UCHL5: variants seen among roughly 807,000 people sequenced by gnomAD.
UCHL5 encodes ubiquitin C-terminal hydrolase L5, also known as ubiquitin carboxyl-terminal hydrolase isozyme L5.
In UCHL5, 34 loss-of-function variants were observed where a neutral mutation model predicts 53.8. The ratio of observed to expected loss-of-function variants is 0.63; its 90% CI spans 0.48 to 0.84. The LOEUF (loss-of-function observed/expected upper bound fraction) is 0.84. Ranked by LOEUF, UCHL5 falls within the 40% of genes least tolerant of loss-of-function variation. UCHL5 has a pLI of 0.00. For missense variants in UCHL5, 290 were observed against 385.6 expected (o/e 0.75, Z 2.08); for synonymous variants, 111 against 126.3 (o/e 0.88, Z 0.81).
At position 193,021,279 on chromosome 1, in the gene UCHL5, T is replaced by C. The variant is rs140713563; in HGVS notation, c.844-84A>G. ...CTTTGCATCCAACTCAAAATAGAAA[T>C]GGTATATCCATTCTCATAAGAAAAT... On this transcript the variant is annotated intron_variant, in intron 9 of 10. Coordinates refer to ENST00000367454, the MANE Select transcript of UCHL5 (RefSeq NM_001199261.3). The C allele has an allele frequency of 5.3e-4, 441 of 836,352 alleles. 1 individual carries two copies. In the African/African-American group the frequency reaches 7.1e-3, roughly 14 times the overall value. The allele number at this position is 836,352 out of a possible 1,614,324, so 51.8% of individuals were successfully genotyped here. A position where few individuals can be genotyped will look rare whatever the true frequency, so the allele number is the denominator to read the frequency against.
chr1:193,035,561 CACA>C (rs1375126797), intron 3 of UCHL5, among the ~76,000 whole-genome samples: 3 of 151,956 alleles, frequency 2.0e-5, no homozygotes, highest in Admixed American at 6.6e-5. Flanking sequence ...GAGAAGTGGC[CACA>C]ACGAGACTTG....
At chr1:193,027,957 T>A (rs1659952908) in intron 7 of UCHL5, 128 bp downstream of exon 7, 1 of 1,497,568 alleles carries the variant, frequency 6.7e-7, no homozygotes, top group African/African-American at 1.4e-5. Flanking sequence ...AACCCGTCTC[T>A]ACGAAAAATT....
intron 3 of UCHL5, among the ~76,000 whole-genome samples, chr1:193,033,016 C>T (rs941619384): frequency 2.0e-5 from 3 of 152,152 alleles, no homozygotes; most frequent in Admixed American, 2.0e-4. Context: ...ACCCAGCAAT[C>T]CCATTACTGG....
Position 193,016,312 on chromosome 1 carries a change from T to C in UCHL5, c.*39A>G. 1.3e-6 allele frequency: 2 copies of C among 1,593,736 alleles called. No homozygotes were observed. Among genetic ancestry groups the C allele is most frequent in the South Asian group, 1.2e-5 (1 of 86,884 alleles). The stretch of plus-strand genomic sequence containing the variant: ...ATACATAATGGTTTCCATGAAAATA[T>C]GTGCAGAAGCAGAAATGTGTACATA... On this transcript the variant is annotated 3_prime_UTR_variant, in exon 11 of 11. Transcript: ENST00000367454.
chr1:193,042,556 G>T (rs1449914452), intron 3 of UCHL5, among the ~76,000 whole-genome samples: 1 of 152,112 alleles, frequency 6.6e-6, no homozygotes, highest in Non-Finnish European at 1.5e-5. Context: ...ATTAAAGGTG[G>T]TAATACTTTA....
Position 193,029,189 on chromosome 1 carries a change from C to A in UCHL5, c.555G>T (p.Pro185=). Residue 185 remains proline (P), a synonymous_variant, in exon 6 of 11, where the codon CCG becomes CCT. Coordinates refer to ENST00000367454, the MANE Select transcript of UCHL5 (RefSeq NM_001199261.3). ...LYELDGLREG[P]IDLGACNQDD... ...CAGGAACTGCATTACCTAAATCAAT[C>A]GGTCCTTCTCTTAATCCATCTAATT... 1.2e-6 allele frequency: 2 copies of A among 1,612,064 alleles called. No individual in the cohort carries two copies. Among genetic ancestry groups the A allele is most frequent in the South Asian group, 1.1e-5 (1 of 90,414 alleles).
At position 193,013,392 on chromosome 1, in the gene UCHL5, G is replaced by C. The variant is rs1347446910; in HGVS notation, c.*2959C>G. The C allele has an allele frequency of 6.6e-6, 1 of 152,048 alleles. No homozygotes were observed. The highest frequency in any genetic ancestry group is 1.5e-5 in the Non-Finnish European group (1 of 68,002). 9.4% of individuals were successfully genotyped at this position (152,048 alleles called of 1,614,324 possible). On this transcript the variant is annotated 3_prime_UTR_variant, in exon 11 of 11. Transcript: ENST00000367454. ...GCATTCCTCTTCAAATAGCTAGAGT[G>C]GTTTGTTTCCTGAAAATTTGTATAT...
At position 193,012,776 on chromosome 1, in the gene UCHL5, G is replaced by A. The variant is rs1013825651; in HGVS notation, c.*3575C>T. The A allele has an allele frequency of 2.6e-5, 4 of 152,128 alleles. No homozygotes were observed. The highest frequency in any genetic ancestry group is 9.7e-5 in the African/African-American group (4 of 41,410). 9.4% of individuals were successfully genotyped at this position (152,128 alleles called of 1,614,324 possible). On this transcript the variant is annotated 3_prime_UTR_variant, in exon 11 of 11. Transcript: ENST00000367454. ...TATTATCTGTCTCACCATGAGAGCA[G>A]GGGCTTTTTCCTGTTATACTATCCT...
At chr1:193,040,655 G>A (rs1665241318) in intron 3 of UCHL5, among the ~76,000 whole-genome samples, 1 of 152,168 alleles carries the variant, frequency 6.6e-6, no homozygotes, top group African/African-American at 2.4e-5. Flanking sequence ...AGATCCGAAA[G>A]AAGGGAAATA....
At chr1:193,019,087 G>A (rs928282552) in intron 10 of UCHL5, among the ~76,000 whole-genome samples, 21 of 151,282 alleles carry the variant, frequency 1.4e-4, no homozygotes, top group African/African-American at 4.8e-4. Context: ...CAAAGGAAAC[G>A]GATATAGTGC....
chr1:193,016,412 G>A lies in UCHL5; in HGVS notation c.943-17C>T, dbSNP rs369339165. 6.3e-5 allele frequency: 101 copies of A among 1,599,308 alleles called. No homozygotes were observed. Among genetic ancestry groups the A allele is most frequent in the Admixed American group, 2.3e-4 (13 of 56,692 alleles). ...TTCTTTTGCCTAAAAATTAAAAATA[G>A]TATGTTACAAAATTTTAAAAGTCAG... On this transcript the variant is annotated splice_polypyrimidine_tract_variant and intron_variant, in intron 10 of 10. Coordinates refer to ENST00000367454, the MANE Select transcript of UCHL5 (RefSeq NM_001199261.3).
At chr1:193,035,385 C>A (rs1481575902) in intron 3 of UCHL5, among the ~76,000 whole-genome samples, 1 of 151,886 alleles carries the variant, frequency 6.6e-6, no homozygotes. Flanking sequence ...TTCAATTCAT[C>A]TAGCAACGGG....
upstream of UCHL5, chr1:193,059,662 G>A (rs1672220151): frequency 7.3e-7 from 1 of 1,377,906 alleles, no homozygotes; most frequent in South Asian, 1.2e-5. The surrounding 1 kb of genome is among the most constrained non-coding windows in gnomAD (Gnocchi z 4.9). Context: ...TGGGGCTGTT[G>A]CTGTTGCTGT....
At chr1:193,024,571 A>G (rs186743947) in intron 7 of UCHL5, among the ~76,000 whole-genome samples, 1,896 of 148,588 alleles carry the variant, frequency 0.013, 39 homozygotes, top group African/African-American at 0.043. Flanking sequence ...TATATTTTAA[A>G]TTTTATCTTA....
At chr1:193,055,286 A>C (rs1432563188) in intron 1 of UCHL5, among the ~76,000 whole-genome samples, 1 of 152,152 alleles carries the variant, frequency 6.6e-6, no homozygotes. Flanking sequence ...GATAATAAAG[A>C]TAATGTGTCC....
intron 1 of UCHL5, among the ~76,000 whole-genome samples, chr1:193,055,049 T>C (rs1472833051): frequency 6.6e-6 from 1 of 152,194 alleles, no homozygotes; most frequent in Non-Finnish European, 1.5e-5. Flanking sequence ...GGTCAGGTCA[T>C]ATTGAGCAGA....
At chr1:193,036,169 A>C (rs900333972) in intron 3 of UCHL5, among the ~76,000 whole-genome samples, 6 of 151,914 alleles carry the variant, frequency 3.9e-5, no homozygotes, top group African/African-American at 1.4e-4. Flanking sequence ...AAATAGGCTC[A>C]ATTCTTCAAT....
intron 9 of UCHL5, among the ~76,000 whole-genome samples, chr1:193,022,008 T>A (rs1657208209): frequency 6.6e-6 from 1 of 152,182 alleles, no homozygotes; most frequent in African/African-American, 2.4e-5. Context: ...AATTACATAA[T>A]AAACACATAA....
In UCHL5 at chr1:193,036,898, AATG is replaced by A. The variant is rs762147823; in HGVS notation, c.247-7244_247-7242del. Among the ~76,000 whole-genome samples the A allele has an allele frequency of 5.9e-5, 9 of 152,234 alleles. No individual in the cohort carries two copies. The East Asian group carries it at 1.2e-3, about 20-fold the overall frequency. On this transcript the variant is annotated intron_variant, in intron 3 of 10. Coordinates refer to ENST00000367454, the MANE Select transcript of UCHL5 (RefSeq NM_001199261.3). ...ATAGAGATTAAACAACATGTTACTA[AATG>A]ATGAATAGGCCAATAAAGAAAATAA...
Sources: allele counts gnomAD v4.1 joint callset (sites outside exome capture counted in the v4.1 genomes callset), GRCh38; gene constraint gnomAD v4.1.1; non-coding constraint Gnocchi (gnomAD v3.1); transcripts MANE v1.5; gene names NCBI Gene and HGNC (gene_info 2026-07-23, HGNC 2026-07-21).